Variants in DNAJC10 observed in about 807,000 individuals in gnomAD.
DNAJC10 encodes the protein endoplasmic reticulum disulfide reductase DNAJC10.
In DNAJC10, 101 loss-of-function variants were observed where a neutral mutation model predicts 115.0. The observed-to-expected ratio is 0.88, with a 90% confidence interval of 0.75 to 1.04. DNAJC10 has a LOEUF of 1.04. DNAJC10 is among the 50% of genes least tolerant of loss of function. The pLI is 0.00. For synonymous variants in DNAJC10, 307 were observed against 301.5 expected (o/e 1.02, Z -0.19); for missense variants, 981 against 928.8 (o/e 1.06, Z -0.73).
intron 10 of DNAJC10, among the ~76,000 whole-genome samples, chr2:182,736,002 A>T (rs548746455): frequency 6.6e-6 from 1 of 152,254 alleles, no homozygotes; most frequent in South Asian, 2.1e-4. Flanking sequence ...TATAAAAAGT[A>T]GATTTCTACT....
In DNAJC10 at chr2:182,793,275, C is replaced by G. The variant is rs2105733432; in HGVS notation, c.*16143C>G. On this transcript the variant is annotated 3_prime_UTR_variant, in exon 24 of 24. Coordinates refer to ENST00000264065, the MANE Select transcript of DNAJC10 (RefSeq NM_018981.4). ...TAGAGGGAGAGAGAAAGTGGGGAGC[C>G]AGATCATAGAGGGCTTTGCAGGTCA... 6.6e-6 allele frequency: 1 copy of G among 152,326 alleles called. No individual in the cohort carries two copies. Among genetic ancestry groups the G allele is most frequent in the East Asian group, 1.9e-4 (1 of 5,170 alleles). 9.4% of individuals were successfully genotyped at this position (152,326 alleles called of 1,614,324 possible).
rs2105721473 is a variant in DNAJC10, at chr2:182,782,208, T to C, written c.*5076T>C. 1 of 152,378 alleles carries C rather than the reference T, an allele frequency of 6.6e-6. No individual in the cohort carries two copies. Among genetic ancestry groups the C allele is most frequent in the African/African-American group, 2.4e-5 (1 of 41,584 alleles). The allele number at this position is 152,378 out of a possible 1,614,324, so 9.4% of individuals were successfully genotyped here. ...ACATCATTTATTAAATAGGGAATCC[T>C]TTCCCCATTGCTTGTTTTTGTCAGG... is the stretch of plus-strand genomic sequence containing the variant. On this transcript the variant is annotated 3_prime_UTR_variant, in exon 24 of 24. Coordinates refer to ENST00000264065, the MANE Select transcript of DNAJC10 (RefSeq NM_018981.4).
At chr2:182,754,897 G>C in intron 16 of DNAJC10, 106 bp from the exon 17 acceptor site, 1 of 1,280,190 alleles carries the variant, frequency 7.8e-7, no homozygotes, top group East Asian at 2.6e-5. Context: ...TTTAGAAATG[G>C]GTTTTTAAAA....
intron 13 of DNAJC10, among the ~76,000 whole-genome samples, chr2:182,741,898 T>C (rs144739302): frequency 1.3e-4 from 20 of 152,262 alleles, no homozygotes; most frequent in South Asian, 4.1e-4. Context: ...TTTATATGTC[T>C]GTGTTTTAAT....
chr2:182,741,945 C>G (rs1200963277), intron 13 of DNAJC10, among the ~76,000 whole-genome samples: 1 of 151,164 alleles, frequency 6.6e-6, no homozygotes, highest in Non-Finnish European at 1.5e-5. Context: ...TTTTTAACTT[C>G]TGTCATACAA....
At chr2:182,733,752 C>T (rs534220407) in intron 10 of DNAJC10, among the ~76,000 whole-genome samples, 1 of 145,486 alleles carries the variant, frequency 6.9e-6, no homozygotes, top group Non-Finnish European at 1.5e-5. Context: ...TCTTTGAATC[C>T]ATATTTATAG....
chr2:182,780,430 A>T lies in DNAJC10; in HGVS notation c.*3298A>T, dbSNP rs1169317187. 2 of 152,178 alleles carry T rather than the reference A, an allele frequency of 1.3e-5. No individual in the cohort carries two copies. Among genetic ancestry groups the T allele is most frequent in the Non-Finnish European group, 2.9e-5 (2 of 68,064 alleles). The allele number at this position is 152,178 out of a possible 1,614,324, so 9.4% of individuals were successfully genotyped here. A position where few individuals can be genotyped will look rare whatever the true frequency, so the allele number is the denominator to read the frequency against. On this transcript the variant is annotated 3_prime_UTR_variant, in exon 24 of 24. Coordinates refer to ENST00000264065, the MANE Select transcript of DNAJC10 (RefSeq NM_018981.4). The stretch of plus-strand genomic sequence containing the variant: ...TTCTCCCCCCGTGCCTTCTGCCATG[A>T]GTAAAAGCTCCCTGAGACCTCACCA...
chr2:182,759,981 CTT>C (rs1324897711), intron 21 of DNAJC10, among the ~76,000 whole-genome samples: 1 of 152,138 alleles, frequency 6.6e-6, no homozygotes, highest in Non-Finnish European at 1.5e-5. Flanking sequence ...TACTGTCTAC[CTT>C]TGTCAGTGCT....
intron 11 of DNAJC10, among the ~76,000 whole-genome samples, chr2:182,736,958 C>T (rs1191231393): frequency 6.6e-6 from 1 of 152,162 alleles, no homozygotes; most frequent in African/African-American, 2.4e-5. Flanking sequence ...CCATGTTGGC[C>T]AGGCTGGTCT....
chr2:182,752,171 G>A lies in DNAJC10; in HGVS notation c.1534G>A (p.Glu512Lys), dbSNP rs1694039974. The change falls in exon 16 of 24, where the codon GAG (glutamate) becomes AAG (lysine). Residue 512 changes from glutamate to lysine, a missense_variant. By Grantham distance (56) the Glu-to-Lys change is moderately conservative. Coordinates refer to ENST00000264065, the MANE Select transcript of DNAJC10 (RefSeq NM_018981.4). ...KFGTLDCTVH[E>K]GLCNMYNIQA... ...TGGTACACTAGATTGTACAGTTCAT[G>A]AGGGACTCTGTAACATGGTAAGGCA... is the stretch of plus-strand genomic sequence containing the variant. 4.5e-6 allele frequency: 7 copies of A among 1,570,130 alleles called. No homozygotes were observed. Among genetic ancestry groups the A allele is most frequent in the Non-Finnish European group, 6.1e-6 (7 of 1,151,642 alleles).
intron 22 of DNAJC10, among the ~76,000 whole-genome samples, chr2:182,767,331 T>TTCTGCCAAA (rs1694439634): frequency 6.6e-6 from 1 of 152,226 alleles, no homozygotes; most frequent in African/African-American, 2.4e-5. Flanking sequence ...CCAAGGGCAT[T>TTCTGCCAAA]TCTGCCAAAT....
Position 182,751,781 on chromosome 2 carries a change from C to T in DNAJC10, c.1430C>T (p.Ala477Val). The T allele has an allele frequency of 1.9e-6, 3 of 1,612,192 alleles. No homozygotes were observed. The highest frequency in any genetic ancestry group is 2.5e-6 in the Non-Finnish European group (3 of 1,179,652). The change falls in exon 15 of 24, where the codon GCC becomes GTC. Residue 477 changes from alanine to valine, a missense_variant. By Grantham distance (64) the Ala-to-Val change is moderately conservative. Transcript: ENST00000264065. ...DKEPWLVDFF[A>V]PWCPPCRALL... The stretch of plus-strand genomic sequence containing the variant: ...GAACCATGGCTTGTTGATTTCTTTG[C>T]CCCCGTAAGTTATTTTTATCTGTCA...
intron 17 of DNAJC10, 117 bp from the exon 18 acceptor site, chr2:182,756,197 T>A: frequency 1.1e-6 from 1 of 875,518 alleles, no homozygotes; most frequent in South Asian, 2.8e-5. Flanking sequence ...TTCAAAATTC[T>A]CAATACTTCC....
At chr2:182,755,785 G>A (rs560860372) in intron 17 of DNAJC10, among the ~76,000 whole-genome samples, 9 of 152,252 alleles carry the variant, frequency 5.9e-5, no homozygotes, top group African/African-American at 2.2e-4. Context: ...GTCATTCTTG[G>A]TTCTAGAACA....
chr2:182,719,948 T>C (rs1693105459), intron 3 of DNAJC10, 59 bp from the exon 4 acceptor site: 1 of 1,041,764 alleles, frequency 9.6e-7, no homozygotes, highest in Non-Finnish European at 1.4e-6. Flanking sequence ...ATATATGTTT[T>C]GAAGAAACTT....
chr2:182,758,606 A>G (rs1448939393), intron 19 of DNAJC10, among the ~76,000 whole-genome samples: 1 of 152,212 alleles, frequency 6.6e-6, no homozygotes, highest in Non-Finnish European at 1.5e-5. Context: ...GATGTCCAGT[A>G]GACAGCTAGA....
chr2:182,773,051 CA>C (rs1415615712), intron 22 of DNAJC10, among the ~76,000 whole-genome samples: 1 of 151,852 alleles, frequency 6.6e-6, no homozygotes, highest in East Asian at 1.9e-4. Context: ...ACAAAATCAG[CA>C]TTTGCTTGTC....
chr2:182,761,290 C>T (rs559409724), intron 21 of DNAJC10, among the ~76,000 whole-genome samples: 158 of 152,202 alleles, frequency 1.0e-3, no homozygotes, highest in African/African-American at 3.8e-3. Context: ...GGTGCCATCT[C>T]ATAAGTAATT....
intron 22 of DNAJC10, among the ~76,000 whole-genome samples, chr2:182,771,760 T>G (rs552770598): frequency 5.9e-5 from 9 of 152,276 alleles, no homozygotes; most frequent in Non-Finnish European, 1.3e-4. Context: ...TTTGTTGATC[T>G]TTTCAAAAAA....
Sources: allele counts gnomAD v4.1 joint callset (sites outside exome capture counted in the v4.1 genomes callset), GRCh38; gene constraint gnomAD v4.1.1; transcripts MANE v1.5; gene names NCBI Gene and HGNC (gene_info 2026-07-23, HGNC 2026-07-21).